NCKAP5L: variants seen among roughly 807,000 people sequenced by gnomAD.
NCKAP5L encodes nck-associated protein 5-like.
NCKAP5L carries 54 observed loss-of-function variants against 103.2 expected under a neutral mutation model. That is an observed-to-expected ratio of 0.52 (90% CI 0.42 to 0.66). NCKAP5L has a LOEUF of 0.66. Ranked by LOEUF, NCKAP5L falls within the 30% of genes least tolerant of loss-of-function variation. NCKAP5L has a pLI of 0.00. For synonymous variants in NCKAP5L, 762 were observed against 748.6 expected (o/e 1.02, Z -0.29); for missense variants, 1,733 against 1,750.6 (o/e 0.99, Z 0.18).
rs764756074 is a variant in NCKAP5L, at chr12:49,796,845, G to C, written c.1015C>G (p.Leu339Val). The C allele has an allele frequency of 1.2e-6, 2 of 1,612,912 alleles. No individual in the cohort carries two copies. Among genetic ancestry groups the C allele is most frequent in the African/African-American group, 1.3e-5 (1 of 74,932 alleles). ...GCAGCCCCGGCCAGGAAGGCCTGTAGGTAAGACTCTGTGTCCTCAAGGAGC... is the reference window on the plus strand; with the variant it reads ...GCAGCCCCGGCCAGGAAGGCCTGTACGTAAGACTCTGTGTCCTCAAGGAGC... Reference protein sequence around the residue: ...GQLLEDTESYLQAFLAGAAGP... With the variant: ...GQLLEDTESYVQAFLAGAAGP... Residue 339 changes from leucine to valine, a missense_variant, in exon 8 of 13, where the codon CTA (leucine) becomes GTA (valine). Coordinates refer to ENST00000335999, the MANE Select transcript of NCKAP5L (RefSeq NM_001037806.4).
chr12:49,810,388 G>GCAA (rs1946227140), intron 1 of NCKAP5L, among the ~76,000 whole-genome samples: 1 of 152,182 alleles, frequency 6.6e-6, no homozygotes. Flanking sequence ...TTCGAACTCT[G>GCAA]CAATTAACTT....
chr12:49,812,169 GT>G (rs1946247282), intron 1 of NCKAP5L, among the ~76,000 whole-genome samples: 1 of 152,070 alleles, frequency 6.6e-6, no homozygotes, highest in South Asian at 2.1e-4. Context: ...AGCTTTTATT[GT>G]TCCTTTCCTT....
chr12:49,817,009 G>GA (rs200945422), intron 1 of NCKAP5L, among the ~76,000 whole-genome samples: 8 of 150,304 alleles, frequency 5.3e-5, no homozygotes, highest in East Asian at 3.9e-4. Flanking sequence ...AGACATGCAA[G>GA]AAAAAAAAAT....
intron 1 of NCKAP5L, among the ~76,000 whole-genome samples, chr12:49,821,756 C>T (rs527282244): frequency 1.1e-4 from 17 of 152,352 alleles, no homozygotes; most frequent in Admixed American, 3.3e-4. Context: ...GCACAGCATC[C>T]GGCACACAGT....
chr12:49,822,069 G>A (rs1182489729), intron 1 of NCKAP5L, among the ~76,000 whole-genome samples: 1 of 152,172 alleles, frequency 6.6e-6, no homozygotes. Flanking sequence ...TGGAGGTGGA[G>A]CCCTCATGAA....
chr12:49,823,974 G>A (rs1946388530), intron 1 of NCKAP5L, among the ~76,000 whole-genome samples: 1 of 152,202 alleles, frequency 6.6e-6, no homozygotes. Flanking sequence ...GGCGCCGAGG[G>A]CTGCTGGGCG....
rs143067379 is a variant in NCKAP5L, at chr12:49,812,330, A to G, written c.-98-6289T>C. On this transcript the variant is annotated intron_variant, in intron 1 of 12. Transcript: ENST00000335999. ...TCTTTCACTTTGCATGATGTTTTCA[A>G]GGTTCATCCATGTTGTTGCACGTAT... is the stretch of plus-strand genomic sequence containing the variant. 8.6e-3 allele frequency among the ~76,000 whole-genome samples: 1,292 copies of G among 151,100 alleles called. 13 individuals carry two copies. Among genetic ancestry groups the G allele is most frequent in the Non-Finnish European group, 0.012 (796 of 67,904 alleles).
At chr12:49,826,321 C>A (rs1300680028) in intron 1 of NCKAP5L, among the ~76,000 whole-genome samples, 1 of 152,012 alleles carries the variant, frequency 6.6e-6, no homozygotes, top group South Asian at 2.1e-4. Flanking sequence ...TGGCTGCCTC[C>A]TCCTCTCTCA....
At chr12:49,803,481 G>A (rs780466360) in intron 3 of NCKAP5L, among the ~76,000 whole-genome samples, 8 of 152,244 alleles carry the variant, frequency 5.3e-5, no homozygotes, top group Non-Finnish European at 8.8e-5. Flanking sequence ...CCTGGGAGAC[G>A]GGCAGAGGAG....
Position 49,795,692 on chromosome 12 carries a change from C to T in NCKAP5L, c.2168G>A (p.Gly723Glu), listed in dbSNP as rs190797546. Residue 723 changes from glycine to glutamate, a missense_variant, in exon 8 of 13, where the codon GGG becomes GAG. Physicochemically the swap from Gly to Glu is moderately conservative, Grantham distance 98. Coordinates refer to ENST00000335999, the MANE Select transcript of NCKAP5L (RefSeq NM_001037806.4). ...HRPLEQLEAK[G>E]GIRGAVALGT... ...CAAGGCCACTGCCCCCCGTATCCCCCCCTTGGCTTCTAGCTGCTCCAGTGG... is the reference window on the plus strand; with the variant it reads ...CAAGGCCACTGCCCCCCGTATCCCCTCCTTGGCTTCTAGCTGCTCCAGTGG... The T allele has an allele frequency of 1.9e-6, 3 of 1,612,304 alleles. No individual in the cohort carries two copies. The highest frequency in any genetic ancestry group is 2.2e-5 in the South Asian group (2 of 90,694).
chr12:49,793,687 G>A, intron 9 of NCKAP5L, 47 bp downstream of exon 9: 2 of 1,504,050 alleles, frequency 1.3e-6, no homozygotes, highest in Non-Finnish European at 1.8e-6. Flanking sequence ...GACCTGGCAG[G>A]GCCAGAGAGC....
At chr12:49,827,549 A>G (rs575114685) in intron 1 of NCKAP5L, among the ~76,000 whole-genome samples, 21 of 152,334 alleles carry the variant, frequency 1.4e-4, no homozygotes, top group African/African-American at 4.8e-4. Context: ...CCGCTTTCTT[A>G]GTTGGGCTAA....
At chr12:49,824,640 G>A (rs140336794) in intron 1 of NCKAP5L, among the ~76,000 whole-genome samples, 287 of 152,350 alleles carry the variant, frequency 1.9e-3, no homozygotes, top group African/African-American at 6.5e-3. Context: ...ACTCAAACTA[G>A]GAGAGAAGGA....
rs763790842 is a variant in NCKAP5L at position 49,796,874 on chromosome 12, C to T, written c.986G>A (p.Gly329Asp). 5.0e-6 allele frequency: 8 copies of T among 1,612,226 alleles called. No individual in the cohort carries two copies. In the Admixed American group the frequency reaches 8.4e-5, roughly 17 times the overall value. ...GALARRQLNLGQLLEDTESYL... is the reference protein window; with the variant it reads ...GALARRQLNLDQLLEDTESYL... ...AGACTCTGTGTCCTCAAGGAGCTGG[C>T]CCAGGTTCAACTGTCTGCGGGCCAG... The change falls in exon 8 of 13, where the codon GGC becomes GAC. Residue 329 changes from glycine (G) to aspartate (D), a missense_variant. By Grantham distance (94) the Gly-to-Asp change is moderately conservative. Coordinates refer to ENST00000335999, the MANE Select transcript of NCKAP5L (RefSeq NM_001037806.4).
intron 3 of NCKAP5L, among the ~76,000 whole-genome samples, chr12:49,803,471 C>T (rs1946143501): frequency 6.6e-6 from 1 of 152,100 alleles, no homozygotes; most frequent in South Asian, 2.1e-4. Flanking sequence ...CCCTTATTTC[C>T]CTGGGAGACG....
At chr12:49,798,618 G>A (rs891028407) in intron 6 of NCKAP5L, among the ~76,000 whole-genome samples, 155 bp from the exon 7 acceptor site, 7 of 152,156 alleles carry the variant, frequency 4.6e-5, no homozygotes, top group Admixed American at 1.3e-4. Flanking sequence ...CCCACCCACC[G>A]GTAAGAGAAG....
chr12:49,794,641 T>C, intron 8 of NCKAP5L, 124 bp downstream of exon 8: 3 of 696,474 alleles, frequency 4.3e-6, no homozygotes, highest in East Asian at 6.4e-5. Flanking sequence ...CTTCTATCCC[T>C]TTTGACCTCT....
At chr12:49,827,209 C>T (rs1157664647) in intron 1 of NCKAP5L, among the ~76,000 whole-genome samples, 1 of 152,192 alleles carries the variant, frequency 6.6e-6, no homozygotes, top group Non-Finnish European at 1.5e-5. Context: ...TACTGCTCCC[C>T]AGGCCACCCC....
Position 49,797,362 on chromosome 12 carries a change from G to A in NCKAP5L, c.498C>T (p.Gly166=), listed in dbSNP as rs750439674. 2.5e-6 allele frequency: 4 copies of A among 1,609,292 alleles called. No homozygotes were observed. The African/African-American group carries it at 5.3e-5, about 21-fold the overall frequency. Residue 166 remains glycine, a synonymous_variant, in exon 8 of 13, where the codon GGC becomes GGT. Coordinates refer to ENST00000335999, the MANE Select transcript of NCKAP5L (RefSeq NM_001037806.4). The surrounding 1 kb of genome is among the most constrained non-coding windows in gnomAD (Gnocchi z 4.5). The part of the protein sequence containing the change: ...VCWEQQLRPG[G]PGPPAAPPPA... Reference sequence around the variant, plus strand: ...GGGGTGGGGCGGCTGGGGGGCCTGGGCCTCCTGGCCTCAGCTGCTGCTCCC... The same window carrying A: ...GGGGTGGGGCGGCTGGGGGGCCTGGACCTCCTGGCCTCAGCTGCTGCTCCC...
Sources: allele counts gnomAD v4.1 joint callset (sites outside exome capture counted in the v4.1 genomes callset), GRCh38; gene constraint gnomAD v4.1.1; non-coding constraint Gnocchi (gnomAD v3.1); transcripts MANE v1.5; gene names NCBI Gene and HGNC (gene_info 2026-07-23, HGNC 2026-07-21).